Variants in PRSS12 observed in about 807,000 individuals in gnomAD.
The protein encoded by PRSS12 is neurotrypsin.
PRSS12 carries 85 observed loss-of-function variants against 104.4 expected under a neutral mutation model. That is an observed-to-expected ratio of 0.81 (90% confidence interval 0.68 to 0.98). The LOEUF is 0.98. PRSS12 is among the 50% of genes least tolerant of loss of function. The probability of loss-of-function intolerance (pLI) is 0.00; values close to 1 mark genes in which losing one functional copy is unlikely to be tolerated. For missense variants in PRSS12, 1,141 were observed against 1,139.2 expected (o/e 1.00, Z -0.02); for synonymous variants, 454 against 425.2 (o/e 1.07, Z -0.83).
At chr4:118,308,402 C>T (rs765144635) in intron 8 of PRSS12, 34 bp downstream of exon 8, 2 of 1,613,174 alleles carry the variant, frequency 1.2e-6, no homozygotes, top group Non-Finnish European at 1.7e-6. Context: ...ATATGCTCAT[C>T]AGTAACCATC....
chr4:118,300,158 A>G (rs981005207), intron 8 of PRSS12, among the ~76,000 whole-genome samples: 91 of 152,006 alleles, frequency 6.0e-4, no homozygotes, highest in African/African-American at 2.0e-3. Flanking sequence ...CTACAGGCGC[A>G]TGCCACCATG....
chr4:118,331,124 C>T (rs1190762272), intron 4 of PRSS12, among the ~76,000 whole-genome samples: 1 of 152,130 alleles, frequency 6.6e-6, no homozygotes, highest in Admixed American at 6.5e-5. Context: ...TACCAATGTT[C>T]AGAATCACTA....
chr4:118,285,663 GA>G (rs144169283), intron 11 of PRSS12, among the ~76,000 whole-genome samples: 2,467 of 150,078 alleles, frequency 0.016, 68 homozygotes, highest in African/African-American at 0.056. Context: ...TACTTAGTAT[GA>G]AAAAAAAACT....
Position 118,298,941 on chromosome 4 carries a change from G to A in PRSS12, c.1632-3C>T. 1.2e-6 allele frequency: 2 copies of A among 1,614,018 alleles called. No individual in the cohort carries two copies. The highest frequency in any genetic ancestry group is 1.7e-6 in the Non-Finnish European group (2 of 1,179,950). Reference sequence around the variant, plus strand: ...TGGTTCTTGCTCTGGCAGGACCCCTGAAGACAGAACATTCTTAATCATGTG... The same window carrying A: ...TGGTTCTTGCTCTGGCAGGACCCCTAAAGACAGAACATTCTTAATCATGTG... On this transcript the variant is annotated splice_region_variant and splice_polypyrimidine_tract_variant and intron_variant, in intron 8 of 12. Transcript: ENST00000296498.
intron 1 of PRSS12, among the ~76,000 whole-genome samples, chr4:118,349,639 T>C (rs10000812): frequency 0.83 from 125,697 of 152,130 alleles, 54,396 homozygotes; most frequent in Non-Finnish European, 0.95. Context: ...TTTTCTCCTA[T>C]ACTCCTCATA....
chr4:118,306,854 T>A (rs2126031717), intron 8 of PRSS12, among the ~76,000 whole-genome samples: 1 of 152,298 alleles, frequency 6.6e-6, no homozygotes, highest in East Asian at 1.9e-4. Flanking sequence ...TTTCTCTCCT[T>A]AAACTTAGCT....
chr4:118,297,038 T>G (rs1442452743), intron 9 of PRSS12, among the ~76,000 whole-genome samples: 1 of 152,164 alleles, frequency 6.6e-6, no homozygotes, highest in Admixed American at 6.5e-5. Flanking sequence ...CTATTTAAAG[T>G]CATACACTAT....
intron 4 of PRSS12, among the ~76,000 whole-genome samples, chr4:118,320,068 T>C (rs1273150708): frequency 6.6e-6 from 1 of 152,224 alleles, no homozygotes; most frequent in African/African-American, 2.4e-5. Context: ...AGCATATTCT[T>C]AGAACCCCAG....
Position 118,320,629 on chromosome 4 carries a change from T to C in PRSS12, c.972-2073A>G, listed in dbSNP as rs372769227. 1.8e-4 allele frequency among the ~76,000 whole-genome samples: 27 copies of C among 152,178 alleles called. No individual in the cohort carries two copies. In the Middle Eastern group the frequency reaches 0.014, roughly 77 times the overall value. ...TTAGCCAGGTGTGGTGGCACACACC[T>C]GTGGTCCCAGCTACTCGGGAGGCCA... is the stretch of plus-strand genomic sequence containing the variant. On this transcript the variant is annotated intron_variant, in intron 4 of 12. Coordinates refer to ENST00000296498, the MANE Select transcript of PRSS12 (RefSeq NM_003619.4).
At chr4:118,290,451 T>C (rs1473764389) in intron 11 of PRSS12, among the ~76,000 whole-genome samples, 3 of 152,206 alleles carry the variant, frequency 2.0e-5, no homozygotes, top group Non-Finnish European at 4.4e-5. Context: ...TCAAGTTCTT[T>C]GCAATTTTAT....
chr4:118,332,858 A>G (rs919871520), intron 3 of PRSS12, among the ~76,000 whole-genome samples: 1 of 152,222 alleles, frequency 6.6e-6, no homozygotes, highest in African/African-American at 2.4e-5. Context: ...GATATCAGAC[A>G]TATGCCTTGT....
intron 3 of PRSS12, among the ~76,000 whole-genome samples, chr4:118,333,224 T>C (rs755451311): frequency 7.9e-5 from 12 of 152,156 alleles, no homozygotes; most frequent in Non-Finnish European, 1.2e-4. Flanking sequence ...GGACGTAATA[T>C]GGTAAAAATT....
intron 8 of PRSS12, among the ~76,000 whole-genome samples, chr4:118,299,856 A>T (rs1404322577): frequency 6.9e-6 from 1 of 144,196 alleles, no homozygotes; most frequent in African/African-American, 2.5e-5. Context: ...TTAGCTGGGC[A>T]TGTAGTCCCA....
chr4:118,307,437 T>G (rs1411170061), intron 8 of PRSS12, among the ~76,000 whole-genome samples: 1 of 152,204 alleles, frequency 6.6e-6, no homozygotes, highest in East Asian at 1.9e-4. Context: ...AACACAGATA[T>G]ATAATTAAGG....
intron 11 of PRSS12, among the ~76,000 whole-genome samples, chr4:118,290,668 T>TA (rs1743107613): frequency 6.6e-6 from 1 of 152,128 alleles, no homozygotes; most frequent in South Asian, 2.1e-4. Context: ...TTTACAGATG[T>TA]AAAATGACGT....
At chr4:118,328,222 A>G (rs1415202092) in intron 4 of PRSS12, among the ~76,000 whole-genome samples, 1 of 152,258 alleles carries the variant, frequency 6.6e-6, no homozygotes. Flanking sequence ...ATCAAGTGCA[A>G]GAAAAGTAAA....
At chr4:118,309,793 T>C (rs1380046569) in intron 7 of PRSS12, among the ~76,000 whole-genome samples, 2 of 152,216 alleles carry the variant, frequency 1.3e-5, no homozygotes, top group Non-Finnish European at 2.9e-5. Context: ...TTATTTAATA[T>C]ATGTTTAAAC....
rs1405736304 is a variant in PRSS12, at chr4:118,294,992, C to A, written c.1986G>T (p.Gly662=). 2 of 1,614,084 alleles carry A rather than the reference C, an allele frequency of 1.2e-6. No homozygotes were observed. Among genetic ancestry groups the A allele is most frequent in the Non-Finnish European group, 1.7e-6 (2 of 1,180,010 alleles). The part of the protein sequence containing the change: ...SSHGDGRLLC[G]ATLLSSCWVL... ...CCCAGCAGCTACTCAGGAGCGTAGCCCCGCAGAGGAGCCTGCCATCTCCAT... is the reference window on the plus strand; with the variant it reads ...CCCAGCAGCTACTCAGGAGCGTAGCACCGCAGAGGAGCCTGCCATCTCCAT... Residue 662 remains glycine (G), a synonymous_variant, in exon 11 of 13, where the codon GGG becomes GGT. Transcript: ENST00000296498.
intron 9 of PRSS12, 139 bp downstream of exon 9, chr4:118,298,594 C>A (rs1015798588): frequency 1.1e-6 from 1 of 949,496 alleles, no homozygotes; most frequent in Admixed American, 2.0e-5. Flanking sequence ...CAAGAACTAC[C>A]GGATCTAAGT....
Sources: gnomAD v4.1 joint callset for allele counts (sites outside exome capture counted in the v4.1 genomes callset) on GRCh38, gnomAD v4.1.1 for gene constraint, MANE v1.5 for transcripts, NCBI Gene and HGNC (gene_info 2026-07-23, HGNC 2026-07-21) for gene names.